The following B3GLCT variants were observed in gnomAD, a reference collection of about 807,000 sequenced individuals.
B3GLCT encodes beta-1,3-glucosyltransferase.
In B3GLCT, 65 loss-of-function variants were observed where a neutral mutation model predicts 63.4. The observed-to-expected ratio is 1.03, with a 90% CI of 0.84 to 1.26. The LOEUF (loss-of-function observed/expected upper bound fraction) is 1.26. Among genes scored for constraint, B3GLCT ranks in the 50% most tolerant of loss-of-function variants. B3GLCT has a pLI of 0.00. For synonymous variants in B3GLCT, 233 were observed against 219.2 expected (o/e 1.06, Z -0.55); for missense variants, 577 against 604.8 (o/e 0.95, Z 0.48).
intron 4 of B3GLCT, among the ~76,000 whole-genome samples, chr13:31,232,756 T>C (rs867859432): frequency 1.3e-5 from 2 of 152,236 alleles, no homozygotes; most frequent in Non-Finnish European, 2.9e-5. Flanking sequence ...GGTTCCACTT[T>C]TGTATCTTGG....
chr13:31,251,594 G>C (rs1188193091), intron 6 of B3GLCT, among the ~76,000 whole-genome samples: 1 of 152,098 alleles, frequency 6.6e-6, no homozygotes, highest in East Asian at 1.9e-4. Flanking sequence ...TAGCCGAATC[G>C]ATCAAGTGGA....
At position 31,208,096 on chromosome 13, in the gene B3GLCT, T is replaced by TGTACTCTGTACACAGTACAAA. The variant is rs937471253; in HGVS notation, c.71-6943_71-6923dup. On this transcript the variant is annotated intron_variant, in intron 1 of 14. Transcript: ENST00000343307. ...TTGAGTATACTTTGTCTTTGTACTT[T>TGTACTCTGTACACAGTACAAA]GTACTCTGTACACAGTACAAAGTAC... is the stretch of plus-strand genomic sequence containing the variant. Among the ~76,000 whole-genome samples, 8 of 151,834 alleles carry TGTACTCTGTACACAGTACAAA rather than the reference T, an allele frequency of 5.3e-5. No individual in the cohort carries two copies. In the East Asian group the frequency reaches 5.8e-4, roughly 11 times the overall value.
At chr13:31,317,752 G>A in intron 13 of B3GLCT, 67 bp downstream of exon 13, 1 of 1,601,548 alleles carries the variant, frequency 6.2e-7, no homozygotes, top group Non-Finnish European at 8.5e-7. Context: ...CGAGAGGTAG[G>A]TCTCTGGCAC....
At chr13:31,329,156 A>C (rs1875787412) in intron 14 of B3GLCT, among the ~76,000 whole-genome samples, 1 of 152,200 alleles carries the variant, frequency 6.6e-6, no homozygotes, top group African/African-American at 2.4e-5. Flanking sequence ...GGAACATAAC[A>C]GTTTTTCTGT....
At chr13:31,225,206 T>C (rs984320700) in intron 3 of B3GLCT, among the ~76,000 whole-genome samples, 7 of 152,216 alleles carry the variant, frequency 4.6e-5, no homozygotes, top group African/African-American at 1.7e-4. Flanking sequence ...TGACAATCCA[T>C]CTTGAGTTGT....
chr13:31,265,642 T>C (rs1224833407), intron 7 of B3GLCT, among the ~76,000 whole-genome samples: 3 of 152,216 alleles, frequency 2.0e-5, no homozygotes, highest in Admixed American at 2.0e-4. Flanking sequence ...ATTTGATCAA[T>C]TAAAACAATA....
intron 11 of B3GLCT, among the ~76,000 whole-genome samples, chr13:31,285,620 A>C (rs1873287106): frequency 6.6e-6 from 1 of 151,218 alleles, no homozygotes; most frequent in East Asian, 1.9e-4. Context: ...AAAAAAAAAA[A>C]AAAAAAAAAA....
chr13:31,279,820 TA>T (rs1872974933), intron 10 of B3GLCT, among the ~76,000 whole-genome samples: 1 of 152,254 alleles, frequency 6.6e-6, no homozygotes, highest in African/African-American at 2.4e-5. Flanking sequence ...TCAACGACCA[TA>T]AAAGACAGAC....
intron 2 of B3GLCT, among the ~76,000 whole-genome samples, chr13:31,222,286 C>A (rs184089141): frequency 1.2e-3 from 189 of 152,080 alleles, no homozygotes; most frequent in Non-Finnish European, 2.3e-3. Context: ...CCGTATTGGC[C>A]AGGCTGGTCT....
intron 12 of B3GLCT, among the ~76,000 whole-genome samples, chr13:31,293,576 G>T (rs1043654687): frequency 1.3e-5 from 2 of 151,914 alleles, no homozygotes; most frequent in Non-Finnish European, 2.9e-5. Flanking sequence ...TGTCTTTTTT[G>T]ATCTTTGTTG....
intron 6 of B3GLCT, 63 bp from the exon 7 acceptor site, chr13:31,260,883 C>A: frequency 6.9e-7 from 1 of 1,449,982 alleles, no homozygotes; most frequent in South Asian, 1.2e-5. Flanking sequence ...ATAGTACCAC[C>A]TTCTATTGGT....
chr13:31,207,557 CT>C (rs527473879), intron 1 of B3GLCT, among the ~76,000 whole-genome samples: 91 of 151,312 alleles, frequency 6.0e-4, no homozygotes, highest in Non-Finnish European at 7.4e-4. Context: ...CTATTTTTCT[CT>C]TTTTTTTTCA....
intron 12 of B3GLCT, among the ~76,000 whole-genome samples, chr13:31,297,287 C>T (rs983294633): frequency 2.0e-5 from 3 of 151,726 alleles, no homozygotes; most frequent in African/African-American, 7.3e-5. Flanking sequence ...ACTGTTTTCC[C>T]ATAGAGGTTG....
At chr13:31,322,266 A>G (rs770158555) in intron 13 of B3GLCT, among the ~76,000 whole-genome samples, 1 of 152,244 alleles carries the variant, frequency 6.6e-6, no homozygotes, top group Non-Finnish European at 1.5e-5. Flanking sequence ...AGAGACTGCC[A>G]TGACCTATTT....
At chr13:31,240,713 T>A (rs953837092) in intron 4 of B3GLCT, among the ~76,000 whole-genome samples, 10 of 152,172 alleles carry the variant, frequency 6.6e-5, no homozygotes, top group African/African-American at 2.2e-4. Flanking sequence ...ATCATTAAAC[T>A]TTTCTTTTGA....
intron 1 of B3GLCT, among the ~76,000 whole-genome samples, chr13:31,200,870 G>C (rs1014096733): frequency 2.0e-5 from 3 of 152,132 alleles, no homozygotes; most frequent in African/African-American, 7.2e-5. Context: ...TCGGGTCTCC[G>C]CTGGGGACAT....
chr13:31,215,089 A>T lies in B3GLCT; in HGVS notation c.109A>T (p.Lys37Ter), dbSNP rs759248924. The change falls in exon 2 of 15, where the codon AAG becomes TAG. Residue 37 changes from lysine to a stop codon, truncating the protein, a stop_gained. Coordinates refer to ENST00000343307, the MANE Select transcript of B3GLCT (RefSeq NM_194318.4). LOFTEE classifies it high-confidence loss of function. Reference sequence around the variant, plus strand: ...TTCTGAAGATACAAAGAAAGAGGTCAAGCAGTCTCAGGTACTAATCCCAAT... The same window carrying T: ...TTCTGAAGATACAAAGAAAGAGGTCTAGCAGTCTCAGGTACTAATCCCAAT... ...LASEDTKKEV[K>*]QSQDLEKSGI... 1.2e-6 allele frequency: 2 copies of T among 1,611,648 alleles called. No individual in the cohort carries two copies. Among genetic ancestry groups the T allele is most frequent in the Non-Finnish European group, 1.7e-6 (2 of 1,179,742 alleles).
intron 6 of B3GLCT, among the ~76,000 whole-genome samples, chr13:31,255,525 G>A (rs1414964685): frequency 2.6e-5 from 4 of 152,148 alleles, no homozygotes; most frequent in African/African-American, 9.7e-5. Flanking sequence ...CAAAGCTGGA[G>A]GCATCATGCT....
chr13:31,203,457 C>T (rs1023856234), intron 1 of B3GLCT, among the ~76,000 whole-genome samples: 2 of 152,118 alleles, frequency 1.3e-5, no homozygotes, highest in African/African-American at 4.8e-5. Context: ...AGTGTGAATT[C>T]GAAGGAGGTG....
Sources: gnomAD v4.1 joint callset for allele counts (sites outside exome capture counted in the v4.1 genomes callset) on GRCh38, gnomAD v4.1.1 for gene constraint, MANE v1.5 for transcripts, NCBI Gene and HGNC (gene_info 2026-07-23, HGNC 2026-07-21) for gene names.